The following MRNIP variants were observed in gnomAD, a reference collection of about 807,000 sequenced individuals.
MRNIP encodes MRN complex-interacting protein.
MRNIP carries 30 observed loss-of-function variants against 29.8 expected under a neutral mutation model. The ratio of observed to expected loss-of-function variants is 1.01; its 90% CI spans 0.75 to 1.36. The LOEUF (loss-of-function observed/expected upper bound fraction) is 1.36. Ranked by LOEUF, MRNIP falls within the 40% of genes most tolerant of loss-of-function variation. The pLI is 0.00. For missense variants in MRNIP, 459 were observed against 423.5 expected (o/e 1.08, Z -0.74); for synonymous variants, 201 against 164.1 (o/e 1.23, Z -1.72).
chr5:179,838,895 G>GC (rs1758740987), intron 6 of MRNIP: 2 of 151,832 alleles, frequency 1.3e-5, no homozygotes, highest in African/African-American at 4.8e-5. Context: ...GGAGATGGAG[G>GC]CTGCTATGAG....
intron 2 of MRNIP, among the ~76,000 whole-genome samples, chr5:179,849,980 G>T (rs537848854): frequency 6.6e-6 from 1 of 151,436 alleles, no homozygotes; most frequent in African/African-American, 2.4e-5. Flanking sequence ...GTCCCGCTAT[G>T]GCACAGGTAG....
In MRNIP at chr5:179,853,406, G is replaced by C. The variant is rs1157466508; in HGVS notation, c.98C>G (p.Ala33Gly). ...CAAAAAGGACTGCTTCTCTCCACAA[G>C]CTTTGCATGTCCACTTGACACTCTT... The part of the protein sequence containing the change: ...VKKSVKWTCK[A>G]CGEKQSFLQA... The change falls in exon 2 of 7, where the codon GCT (alanine) becomes GGT (glycine). Residue 33 changes from alanine to glycine, a missense_variant. By Grantham distance (60) the Ala-to-Gly change is moderately conservative. Coordinates refer to ENST00000292586, the MANE Select transcript of MRNIP (RefSeq NM_016175.4). The C allele has an allele frequency of 6.2e-7, 1 of 1,612,758 alleles. No homozygotes were observed. Among genetic ancestry groups the C allele is most frequent in the Non-Finnish European group, 8.5e-7 (1 of 1,179,644 alleles).
chr5:179,853,331 T>C, intron 2 of MRNIP, 47 bp downstream of exon 2: 1 of 1,605,442 alleles, frequency 6.2e-7, no homozygotes, highest in Non-Finnish European at 8.5e-7. Context: ...CTGGAAGGGC[T>C]CGCTGCAGGC....
chr5:179,845,563 T>C (rs564667450), intron 3 of MRNIP, among the ~76,000 whole-genome samples: 7 of 151,326 alleles, frequency 4.6e-5, no homozygotes, highest in South Asian at 2.1e-4. Context: ...GAGGCGGAGG[T>C]TGGCTAACTG....
intron 2 of MRNIP, among the ~76,000 whole-genome samples, chr5:179,848,269 C>T (rs1041898134): frequency 6.6e-6 from 1 of 152,176 alleles, no homozygotes; most frequent in East Asian, 1.9e-4. Context: ...TAATAGTTTA[C>T]ATCTATGTGG....
At chr5:179,849,793 G>A (rs1435567719) in intron 2 of MRNIP, among the ~76,000 whole-genome samples, 2 of 151,766 alleles carry the variant, frequency 1.3e-5, no homozygotes, top group Non-Finnish European at 2.9e-5. Context: ...ACAGGCAGAT[G>A]GTAAGAGATG....
At chr5:179,845,533 C>T (rs1165638982) in intron 3 of MRNIP, among the ~76,000 whole-genome samples, 1 of 151,510 alleles carries the variant, frequency 6.6e-6, no homozygotes, top group East Asian at 2.0e-4. Flanking sequence ...CACTCTGGTG[C>T]AGGCCTCACT....
intron 2 of MRNIP, among the ~76,000 whole-genome samples, chr5:179,849,850 G>T (rs1369940024): frequency 6.6e-6 from 1 of 151,386 alleles, no homozygotes. Flanking sequence ...GATGGTACGA[G>T]ACGGAATTTG....
chr5:179,839,279 T>C (rs1036967772), intron 6 of MRNIP: 2 of 146,490 alleles, frequency 1.4e-5, no homozygotes, highest in African/African-American at 5.0e-5. Flanking sequence ...AACAGTTGGG[T>C]TGTGCTGCTT....
intron 4 of MRNIP, among the ~76,000 whole-genome samples, chr5:179,843,335 G>A (rs1307663610): frequency 6.6e-6 from 1 of 151,946 alleles, no homozygotes; most frequent in Non-Finnish European, 1.5e-5. Context: ...CTCAAAACTA[G>A]GATGCAAAAA....
intron 1 of MRNIP, among the ~76,000 whole-genome samples, chr5:179,854,107 C>A (rs1229502672): frequency 2.0e-5 from 3 of 151,276 alleles, no homozygotes; most frequent in Non-Finnish European, 4.4e-5. Context: ...TGCAAGCTCC[C>A]CCTCCCGGGT....
intron 1 of MRNIP, among the ~76,000 whole-genome samples, chr5:179,854,119 C>G (rs1759489747): frequency 6.6e-6 from 1 of 150,680 alleles, no homozygotes; most frequent in African/African-American, 2.4e-5. Context: ...CTCCCGGGTT[C>G]ACGCCATTCT....
intron 3 of MRNIP, 192 bp from the exon 4 acceptor site, chr5:179,844,419 A>G: frequency 2.0e-6 from 1 of 506,050 alleles, no homozygotes; most frequent in Non-Finnish European, 3.5e-6. Context: ...GAGGCAGATA[A>G]TGTTTGAACC....
chr5:179,842,182 G>A (rs1758909156), intron 4 of MRNIP, 118 bp from the exon 5 acceptor site: 3 of 998,716 alleles, frequency 3.0e-6, no homozygotes, highest in Admixed American at 2.2e-5. Context: ...CTCCACTCTA[G>A]GAAAGGCACC....
At chr5:179,846,956 G>A (rs1380292647) in intron 3 of MRNIP, 4 of 152,094 alleles carry the variant, frequency 2.6e-5, no homozygotes, top group African/African-American at 9.7e-5. Context: ...CCGTCGAAAT[G>A]GAGGCTCCAG....
At chr5:179,848,714 A>G (rs1257367098) in intron 2 of MRNIP, among the ~76,000 whole-genome samples, 1 of 152,240 alleles carries the variant, frequency 6.6e-6, no homozygotes, top group Non-Finnish European at 1.5e-5. Flanking sequence ...ACATAAGAGC[A>G]TACCGTTTTA....
chr5:179,840,301 T>G (rs947960549), intron 6 of MRNIP: 2 of 154,128 alleles, frequency 1.3e-5, no homozygotes, highest in African/African-American at 4.8e-5. Context: ...TCCCAGCTAC[T>G]TGGCGGCTGA....
chr5:179,841,662 A>G (rs1758882660), intron 5 of MRNIP: 1 of 554,672 alleles, frequency 1.8e-6, no homozygotes, highest in African/African-American at 1.9e-5. Flanking sequence ...TTCAGAATTA[A>G]GTGGGCATCA....
intron 2 of MRNIP, among the ~76,000 whole-genome samples, chr5:179,850,754 G>A (rs1027531234): frequency 1.4e-4 from 21 of 152,218 alleles, no homozygotes; most frequent in Non-Finnish European, 2.5e-4. Context: ...ATACTGAAGC[G>A]CATTCTTCCC....
Sources: allele counts gnomAD v4.1 joint callset (sites outside exome capture counted in the v4.1 genomes callset), GRCh38; gene constraint gnomAD v4.1.1; transcripts MANE v1.5; gene names NCBI Gene and HGNC (gene_info 2026-07-23, HGNC 2026-07-21).